Variants in DACH1 observed in about 807,000 individuals in gnomAD.
DACH1 encodes the protein dachshund homolog 1.
In DACH1, 12 loss-of-function variants were observed where a neutral mutation model predicts 54.2. The observed-to-expected ratio is 0.22, with a 90% CI of 0.14 to 0.36. The LOEUF (loss-of-function observed/expected upper bound fraction) is 0.36, where lower values mean the gene tolerates loss of function less well. Among genes scored for constraint, DACH1 ranks in the 10% least tolerant of loss-of-function variants. DACH1 has a pLI of 1.00. For missense variants in DACH1, 805 were observed against 929.8 expected (o/e 0.87, Z 1.75); for synonymous variants, 386 against 366.2 (o/e 1.05, Z -0.62).
chr13:71,633,666 T>C (rs1191781045), intron 2 of DACH1, among the ~76,000 whole-genome samples: 2 of 152,106 alleles, frequency 1.3e-5, no homozygotes, highest in African/African-American at 4.8e-5. Context: ...CACTTTTTAA[T>C]ATTCTACTTT....
chr13:71,610,854 G>A (rs1007264787), intron 3 of DACH1, among the ~76,000 whole-genome samples: 5 of 152,152 alleles, frequency 3.3e-5, no homozygotes, highest in Non-Finnish European at 7.4e-5. Flanking sequence ...GTCTCATGCA[G>A]ATAAATCTTT....
At chr13:71,702,262 A>C (rs1044628313) in intron 1 of DACH1, among the ~76,000 whole-genome samples, 53 of 152,178 alleles carry the variant, frequency 3.5e-4, no homozygotes, top group African/African-American at 1.2e-3. Context: ...TACTAAATTA[A>C]AATGAAAATC....
intron 1 of DACH1, among the ~76,000 whole-genome samples, chr13:71,736,616 A>T (rs1020353092): frequency 6.6e-6 from 1 of 152,028 alleles, no homozygotes; most frequent in Non-Finnish European, 1.5e-5. Context: ...GTGCACTGCT[A>T]TTTTTTTTCC....
intron 1 of DACH1, among the ~76,000 whole-genome samples, chr13:71,856,193 G>C (rs1873988042): frequency 6.6e-6 from 1 of 151,816 alleles, no homozygotes; most frequent in Admixed American, 6.6e-5. Flanking sequence ...GTTTGAATTG[G>C]GATCAGTTCA....
At chr13:71,632,560 A>G (rs895370873) in intron 2 of DACH1, among the ~76,000 whole-genome samples, 1 of 151,844 alleles carries the variant, frequency 6.6e-6, no homozygotes, top group Admixed American at 6.6e-5. Context: ...TTTCCTCCCC[A>G]CTAATCATCA....
intron 1 of DACH1, among the ~76,000 whole-genome samples, chr13:71,781,267 G>A (rs998609118): frequency 1.3e-5 from 2 of 152,120 alleles, no homozygotes; most frequent in Admixed American, 6.6e-5. Context: ...CCTGCACACA[G>A]GTCCACAGAA....
chr13:71,550,178 A>T (rs750230776), intron 6 of DACH1, among the ~76,000 whole-genome samples: 5 of 152,172 alleles, frequency 3.3e-5, no homozygotes, highest in African/African-American at 4.8e-5. Context: ...TATATTTTCC[A>T]ATTTATATAA....
At chr13:71,728,406 C>A (rs552873512) in intron 1 of DACH1, among the ~76,000 whole-genome samples, 2 of 151,952 alleles carry the variant, frequency 1.3e-5, no homozygotes, top group East Asian at 3.9e-4. Context: ...TGATTTTGCT[C>A]CCGAAGAGTC....
chr13:71,693,079 T>A lies in DACH1; in HGVS notation c.849-11169A>T, dbSNP rs985135736. On this transcript the variant is annotated intron_variant, in intron 1 of 10. Transcript: ENST00000613252. ...TTAATCAAAATTATTGTCATATTTT[T>A]GATATAAGAAGGACACATTTTGTAA... Among the ~76,000 whole-genome samples, 3 of 152,100 alleles carry A rather than the reference T, an allele frequency of 2.0e-5. No homozygotes were observed. The East Asian group carries it at 5.8e-4, about 29-fold the overall frequency.
chr13:71,796,165 A>G (rs1041787941), intron 1 of DACH1, among the ~76,000 whole-genome samples: 3 of 152,274 alleles, frequency 2.0e-5, no homozygotes, highest in South Asian at 2.1e-4. Flanking sequence ...AATGGCCTCA[A>G]TTCTTTAGGT....
intron 1 of DACH1, among the ~76,000 whole-genome samples, chr13:71,726,765 A>T (rs923422728): frequency 6.6e-6 from 1 of 152,028 alleles, no homozygotes; most frequent in African/African-American, 2.4e-5. Flanking sequence ...ATTTTATTCT[A>T]ATTATATTTG....
At chr13:71,697,545 G>A (rs1566440215) in intron 1 of DACH1, among the ~76,000 whole-genome samples, 1 of 152,184 alleles carries the variant, frequency 6.6e-6, no homozygotes, top group East Asian at 1.9e-4. Flanking sequence ...GCAATCTATA[G>A]AGCTTGAAAT....
Position 71,500,719 on chromosome 13 carries a change from A to C in DACH1, c.1571-11571T>G, listed in dbSNP as rs924017007. On this transcript the variant is annotated intron_variant, in intron 6 of 10. Coordinates refer to ENST00000613252, the MANE Select transcript of DACH1 (RefSeq NM_080759.6). ...TTAGACGAAATACATGGAAAGCACAATATTTTGAATGATTCCATGAATATG... is the reference window on the plus strand; with the variant it reads ...TTAGACGAAATACATGGAAAGCACACTATTTTGAATGATTCCATGAATATG... 2.0e-5 allele frequency among the ~76,000 whole-genome samples: 3 copies of C among 152,152 alleles called. No individual in the cohort carries two copies. The East Asian group carries it at 5.8e-4, about 29-fold the overall frequency.
intron 3 of DACH1, among the ~76,000 whole-genome samples, chr13:71,625,536 C>T (rs906630308): frequency 1.3e-5 from 2 of 151,738 alleles, no homozygotes; most frequent in Non-Finnish European, 2.9e-5. Context: ...GCTTTTTTTC[C>T]CTTCATATAT....
chr13:71,607,458 G>A (rs972572893), intron 3 of DACH1, among the ~76,000 whole-genome samples: 5 of 151,580 alleles, frequency 3.3e-5, no homozygotes, highest in Admixed American at 6.6e-5. Flanking sequence ...TTCTGATATC[G>A]CTGTTACATG....
chr13:71,468,709 T>A (rs1876808795), intron 10 of DACH1, among the ~76,000 whole-genome samples: 2 of 152,216 alleles, frequency 1.3e-5, no homozygotes, highest in African/African-American at 4.8e-5. Context: ...AAATCAAAAT[T>A]GGATCTGTCG....
chr13:71,722,132 A>C (rs1215133011), intron 1 of DACH1, among the ~76,000 whole-genome samples: 2 of 152,168 alleles, frequency 1.3e-5, no homozygotes, highest in Non-Finnish European at 2.9e-5. Flanking sequence ...CTGTATTATA[A>C]ACAGGTAATA....
chr13:71,467,448 T>A (rs960942395), intron 10 of DACH1, among the ~76,000 whole-genome samples: 5 of 150,782 alleles, frequency 3.3e-5, no homozygotes, highest in Non-Finnish European at 7.4e-5. Context: ...TGTATACATA[T>A]GTAACTAACC....
Position 71,475,202 on chromosome 13 carries a change from C to CAGAGAT in DACH1, c.2021_2022insATCTCT (p.Ser673_Leu674dup). ...TGCGGTCAGCCTCTATCTCTGGGGT[C>CAGAGAT]AGAGAGTCTAAAAGCACAGAAAGGT... On this transcript the variant is annotated inframe_insertion, in exon 10 of 11. Coordinates refer to ENST00000613252, the MANE Select transcript of DACH1 (RefSeq NM_080759.6). 6.2e-7 allele frequency: 1 copy of CAGAGAT among 1,613,582 alleles called. No individual in the cohort carries two copies. The highest frequency in any genetic ancestry group is 2.2e-5 in the East Asian group (1 of 44,852).
Sources: gnomAD v4.1 joint callset for allele counts (sites outside exome capture counted in the v4.1 genomes callset) on GRCh38, gnomAD v4.1.1 for gene constraint, MANE v1.5 for transcripts, NCBI Gene and HGNC (gene_info 2026-07-23, HGNC 2026-07-21) for gene names.